The following DYNC1H1 variants were observed in gnomAD, a reference collection of about 807,000 sequenced individuals.
DYNC1H1 encodes dynein cytoplasmic 1 heavy chain 1.
A neutral mutation model predicts 527.1 loss-of-function variants in DYNC1H1; 51 were observed. The ratio of observed to expected loss-of-function variants is 0.10; its 90% confidence interval spans 0.08 to 0.12. DYNC1H1 has a LOEUF of 0.12. DYNC1H1 is among the 10% of genes least tolerant of loss of function. The pLI is 1.00. For synonymous variants in DYNC1H1, 2,189 were observed against 2,278.8 expected (o/e 0.96, Z 1.12); for missense variants, 2,771 against 5,971.8 (o/e 0.46, Z 17.66).
chr14:102,040,397 T>C lies in DYNC1H1; in HGVS notation c.11852T>C (p.Val3951Ala). The change falls in exon 63 of 78, where the codon GTT becomes GCT. Residue 3951 changes from valine to alanine, a missense_variant. By Grantham distance (64) the Val-to-Ala change is moderately conservative (BLOSUM62 0). Transcript: ENST00000360184. ...LPAFKDLIAKVQADEQFGIWL... is the reference protein window; with the variant it reads ...LPAFKDLIAKAQADEQFGIWL... ...GCGTTTAAGGACTTGATTGCAAAGG[T>C]TCAGGCAGACGAGGTGATTGTTCTC... 1 of 1,614,112 alleles carries C rather than the reference T, an allele frequency of 6.2e-7. No homozygotes were observed. Among genetic ancestry groups the C allele is most frequent in the Non-Finnish European group, 8.5e-7 (1 of 1,180,020 alleles).
rs17541144 is a variant in DYNC1H1 at position 102,013,741 on chromosome 14, C to CTG, written c.7014+1271_7014+1272insTG. On this transcript the variant is annotated intron_variant, in intron 34 of 77. Coordinates refer to ENST00000360184, the MANE Select transcript of DYNC1H1 (RefSeq NM_001376.5). ...ATGTCCATGAAGATCCGTCTGGCTG[C>CTG]CGTTTGGAGAATGAAGAGGGCAGGG... 1.6e-3 allele frequency among the ~76,000 whole-genome samples: 247 copies of CTG among 152,246 alleles called. 1 individual carries two copies. The highest frequency in any genetic ancestry group is 5.6e-3 in the African/African-American group (234 of 41,540).
intron 41 of DYNC1H1, among the ~76,000 whole-genome samples, chr14:102,019,658 G>C (rs947878495): frequency 6.6e-6 from 1 of 152,212 alleles, no homozygotes. Context: ...CTGGAATGCA[G>C]TGGCGCAGTC....
At position 102,038,670 on chromosome 14, in the gene DYNC1H1, C is replaced by T. The variant is rs2048606458; in HGVS notation, c.11056-28C>T. On this transcript the variant is annotated intron_variant, in intron 58 of 77. Coordinates refer to ENST00000360184, the MANE Select transcript of DYNC1H1 (RefSeq NM_001376.5). The surrounding 1 kb of genome is among the most constrained non-coding windows in gnomAD (Gnocchi z 7.2). ...ATGTGGTTTTGAAACTGGATTAAGA[C>T]AGACTGTTCTGTTACCTATTTTGGC... 1 of 1,614,236 alleles carries T rather than the reference C, an allele frequency of 6.2e-7. No homozygotes were observed. The highest frequency in any genetic ancestry group is 8.5e-7 in the Non-Finnish European group (1 of 1,180,046).
chr14:102,039,670 G>T lies in DYNC1H1; in HGVS notation c.11628G>T (p.Leu3876=). Residue 3876 remains leucine (L), a synonymous_variant, in exon 62 of 78, where the codon CTG becomes CTT. Coordinates refer to ENST00000360184, the MANE Select transcript of DYNC1H1 (RefSeq NM_001376.5). The surrounding 1 kb of genome is among the most constrained non-coding windows in gnomAD (Gnocchi z 7.0). Reference sequence around the variant, plus strand: ...TTAACCGAGTGGCTCGAGGCATGCTGCATCAGGACCACATTACCTTTGCCA... The same window carrying T: ...TTAACCGAGTGGCTCGAGGCATGCTTCATCAGGACCACATTACCTTTGCCA... ...VAFNRVARGM[L]HQDHITFAML... The T allele has an allele frequency of 1.9e-6, 3 of 1,614,168 alleles. No individual in the cohort carries two copies. The East Asian group carries it at 6.7e-5, about 36-fold the overall frequency.
chr14:101,995,439 G>A (rs1205285162), intron 15 of DYNC1H1, 139 bp downstream of exon 15: 14 of 1,111,360 alleles, frequency 1.3e-5, no homozygotes, highest in African/African-American at 4.7e-5. Context: ...GTGAAATGCT[G>A]TCTCTACTAA....
chr14:102,034,633 T>C, intron 56 of DYNC1H1, 181 bp downstream of exon 56: 1 of 1,006,108 alleles, frequency 9.9e-7, no homozygotes, highest in Non-Finnish European at 1.5e-6. Context: ...GTCAAGTGTC[T>C]GAGTTATTCT....
At chr14:102,009,449 T>G (rs1303252989) in intron 29 of DYNC1H1, 1 of 247,000 alleles carries the variant, frequency 4.0e-6, no homozygotes, top group Non-Finnish European at 8.0e-6. Context: ...ATTTTGATGA[T>G]GCTAGGAGCA....
intron 56 of DYNC1H1, chr14:102,034,907 C>A: frequency 8.9e-6 from 2 of 225,254 alleles, no homozygotes; most frequent in Admixed American, 5.3e-5. Context: ...GCCTGGGCAA[C>A]AGAGTGAGAA....
Position 101,995,171 on chromosome 14 carries a change from C to T in DYNC1H1, c.3445-10C>T. ...GCTCTGTGATGAAATACTCCCCTCT[C>T]TCTGAACAGTCCCGCCAAGAGTTGG... is the stretch of plus-strand genomic sequence containing the variant. On this transcript the variant is annotated splice_polypyrimidine_tract_variant and intron_variant, in intron 14 of 77. Coordinates refer to ENST00000360184, the MANE Select transcript of DYNC1H1 (RefSeq NM_001376.5). 6.2e-7 allele frequency: 1 copy of T among 1,614,260 alleles called. No individual in the cohort carries two copies.
Position 102,015,976 on chromosome 14 carries a change from C to G in DYNC1H1, c.7363C>G (p.Leu2455Val). The G allele has an allele frequency of 6.2e-7, 1 of 1,614,078 alleles. No individual in the cohort carries two copies. Among genetic ancestry groups the G allele is most frequent in the Non-Finnish European group, 8.5e-7 (1 of 1,180,030 alleles). Residue 2455 changes from leucine (L) to valine (V), a missense_variant, in exon 36 of 78, where the codon CTG becomes GTG. This residue lies in a region of DYNC1H1 where 122 missense variants were observed against 168.4 expected (regional missense o/e 0.72). Coordinates refer to ENST00000360184, the MANE Select transcript of DYNC1H1 (RefSeq NM_001376.5). The surrounding 1 kb of genome is among the most constrained non-coding windows in gnomAD (Gnocchi z 6.9). ...HIMDLTRLRC[L>V]GSLFSMLHQA... Reference sequence around the variant, plus strand: ...CATGGACCTAACACGCCTGCGCTGCCTGGGCTCGCTCTTCTCCATGCTGCA... The same window carrying G: ...CATGGACCTAACACGCCTGCGCTGCGTGGGCTCGCTCTTCTCCATGCTGCA...
At chr14:101,993,098 A>G (rs1430998015) in intron 11 of DYNC1H1, among the ~76,000 whole-genome samples, 3 of 148,220 alleles carry the variant, frequency 2.0e-5, no homozygotes. Context: ...CACACTGAGC[A>G]CCTCTTGAGC....
At chr14:101,976,270 C>T (rs1376443015) in intron 2 of DYNC1H1, among the ~76,000 whole-genome samples, 1 of 148,172 alleles carries the variant, frequency 6.7e-6, no homozygotes, top group Non-Finnish European at 1.5e-5. Flanking sequence ...AAGCCCGGCA[C>T]GGTGGCTCAC....
chr14:101,984,431 G>GTGTGTGTA (rs1278450270), intron 7 of DYNC1H1, among the ~76,000 whole-genome samples: 18 of 82,800 alleles, frequency 2.2e-4, no homozygotes, highest in African/African-American at 7.2e-4. Flanking sequence ...GTGTGTGTGT[G>GTGTGTGTA]TATATATATA....
At position 101,994,766 on chromosome 14, in the gene DYNC1H1, G is replaced by C; in HGVS notation, c.3250G>C (p.Val1084Leu). ...TCTCAACAAATGGCAGGCTCTCCTG[G>C]TCCAAATAAGGAAGGCCAGAGGAAC... ...EDLNKWQALL[V>L]QIRKARGTFD... Residue 1084 changes from valine to leucine, a missense_variant, in exon 13 of 78, where the codon GTC (valine) becomes CTC (leucine). Around this residue, in one of 32 missense-constraint regions of DYNC1H1, gnomAD observed 179 missense variants for 349.4 expected, o/e 0.51. Coordinates refer to ENST00000360184, the MANE Select transcript of DYNC1H1 (RefSeq NM_001376.5). 6.2e-7 allele frequency: 1 copy of C among 1,614,198 alleles called. No individual in the cohort carries two copies. The highest frequency in any genetic ancestry group is 8.5e-7 in the Non-Finnish European group (1 of 1,180,036).
At position 102,001,113 on chromosome 14, in the gene DYNC1H1, T is replaced by C; in HGVS notation, c.4186-32T>C. On this transcript the variant is annotated intron_variant, in intron 19 of 77. Coordinates refer to ENST00000360184, the MANE Select transcript of DYNC1H1 (RefSeq NM_001376.5). The surrounding 1 kb of genome is among the most constrained non-coding windows in gnomAD (Gnocchi z 5.0). ...GATGAGTGTCCATTAGAAACGCACC[T>C]GCACAGATCACTTTGTTTACTTTCT... The C allele has an allele frequency of 6.2e-7, 1 of 1,614,184 alleles. No individual in the cohort carries two copies. The highest frequency in any genetic ancestry group is 8.5e-7 in the Non-Finnish European group (1 of 1,180,032).
In DYNC1H1 at chr14:101,991,246, G is replaced by T. The variant is rs373086031; in HGVS notation, c.2869-281G>T. Among the ~76,000 whole-genome samples the T allele has an allele frequency of 2.0e-5, 3 of 152,078 alleles. No homozygotes were observed. In the East Asian group the frequency reaches 5.8e-4, roughly 29 times the overall value. On this transcript the variant is annotated intron_variant, in intron 10 of 77. Transcript: ENST00000360184. ...CCCAGCACTTTGGGAGGCTGAAGCG[G>T]GTGGATCACCTGAGGTCAGGAGTTT...
chr14:102,025,327 C>G (rs551639003), intron 43 of DYNC1H1, among the ~76,000 whole-genome samples: 1 of 151,952 alleles, frequency 6.6e-6, no homozygotes, highest in Non-Finnish European at 1.5e-5. Context: ...ATCACTTAAA[C>G]CTGGGAGGCA....
chr14:102,036,470 T>G lies in DYNC1H1; in HGVS notation c.10755-19T>G, dbSNP rs769756741. 14 of 1,612,992 alleles carry G rather than the reference T, an allele frequency of 8.7e-6. No homozygotes were observed. Among genetic ancestry groups the G allele is most frequent in the Non-Finnish European group, 1.2e-5 (14 of 1,179,766 alleles). On this transcript the variant is annotated intron_variant, in intron 56 of 77. Coordinates refer to ENST00000360184, the MANE Select transcript of DYNC1H1 (RefSeq NM_001376.5). The surrounding 1 kb of genome is among the most constrained non-coding windows in gnomAD (Gnocchi z 5.6). ...CCCATTCGGTGTTTCAACCTTCTCT[T>G]CTGTGGCCTCATCCTCAGGTATCCG...
Position 102,054,469 on chromosome 14 carries a change from C to T in DYNC1H1, c.*3906C>T, listed in dbSNP as rs957419111. 2 of 152,112 alleles carry T rather than the reference C, an allele frequency of 1.3e-5. No homozygotes were observed. Among genetic ancestry groups the T allele is most frequent in the East Asian group, 1.9e-4 (1 of 5,184 alleles). The allele number at this position is 152,112 out of a possible 1,614,324, so 9.4% of individuals were successfully genotyped here. On this transcript the variant is annotated 3_prime_UTR_variant, in exon 78 of 78. Coordinates refer to ENST00000360184, the MANE Select transcript of DYNC1H1 (RefSeq NM_001376.5). ...ATTGCCTGTTCTCAAAGCAATGCAC[C>T]TGAGAAGCAGTGGCAGGTGGCACAG...
Sources: allele counts gnomAD v4.1 joint callset (sites outside exome capture counted in the v4.1 genomes callset), GRCh38; gene constraint gnomAD v4.1.1; regional missense constraint gnomAD v4.1.1; non-coding constraint Gnocchi (gnomAD v3.1); transcripts MANE v1.5; gene names NCBI Gene and HGNC (gene_info 2026-07-23, HGNC 2026-07-21).